The following LOC400499 variants were observed in gnomAD, a reference collection of about 807,000 sequenced individuals.
At chr16:11,406,742 T>C in the LOC400499 span, among the ~76,000 whole-genome samples, 4 of 152,232 alleles carry the variant, frequency 2.6e-5, no homozygotes, top group Non-Finnish European at 2.9e-5. Context: ...TTCCCCCGGA[T>C]TTTCAAATGG....
the LOC400499 span, among the ~76,000 whole-genome samples, chr16:11,494,966 T>G: frequency 6.6e-6 from 1 of 152,124 alleles, no homozygotes; most frequent in Admixed American, 6.5e-5. Context: ...CCCAGCACTT[T>G]GGGAGGCCAA....
At chr16:11,452,205 G>GTTTTTTTTTTTTTTTTTTTTTT in the LOC400499 span, among the ~76,000 whole-genome samples, 1 of 89,792 alleles carries the variant, frequency 1.1e-5, no homozygotes, top group Non-Finnish European at 2.6e-5. Context: ...TTTTTTGTTT[G>GTTTTTTTTTTTTTTTTTTTTTT]TTTTTTTTTT....
the LOC400499 span, chr16:11,457,280 A>G: frequency 8.4e-6 from 4 of 477,208 alleles, no homozygotes; most frequent in South Asian, 3.0e-5. Context: ...TGTGGAAAAC[A>G]GTGTGGCAGT....
chr16:11,487,811 A>C, the LOC400499 span, among the ~76,000 whole-genome samples: 1 of 152,224 alleles, frequency 6.6e-6, no homozygotes. Flanking sequence ...AGAATCCAGG[A>C]GAATTTAATA....
At chr16:11,455,014 G>C in the LOC400499 span, among the ~76,000 whole-genome samples, 6 of 152,298 alleles carry the variant, frequency 3.9e-5, no homozygotes, top group African/African-American at 1.4e-4. Context: ...TGAACAATCT[G>C]ATGTGTCTGA....
At chr16:11,416,640 A>G in the LOC400499 span, among the ~76,000 whole-genome samples, 1 of 152,168 alleles carries the variant, frequency 6.6e-6, no homozygotes, top group Admixed American at 6.5e-5. Context: ...GTGTGTTCAA[A>G]TGACAGAGCT....
At chr16:11,466,835 C>A in the LOC400499 span, among the ~76,000 whole-genome samples, 3 of 152,062 alleles carry the variant, frequency 2.0e-5, no homozygotes, top group Non-Finnish European at 4.4e-5. Flanking sequence ...TTGAATTAAT[C>A]TCAATGAAAT....
At chr16:11,483,437 G>A in the LOC400499 span, among the ~76,000 whole-genome samples, 11 of 151,804 alleles carry the variant, frequency 7.2e-5, no homozygotes, top group African/African-American at 2.7e-4. Flanking sequence ...AACAAACTGT[G>A]GTATATCTAT....
the LOC400499 span, chr16:11,407,129 C>G: frequency 2.5e-3 from 1,013 of 398,276 alleles, 7 homozygotes; most frequent in Non-Finnish European, 3.9e-3. Flanking sequence ...GACAATTTTT[C>G]TTTTCTCAAA....
chr16:11,442,985 C>T, the LOC400499 span, among the ~76,000 whole-genome samples: 2 of 152,162 alleles, frequency 1.3e-5, no homozygotes, highest in Non-Finnish European at 2.9e-5. Context: ...CAATGCTCAA[C>T]AGCTGCCTGG....
At chr16:11,464,879 G>A in the LOC400499 span, among the ~76,000 whole-genome samples, 2 of 152,302 alleles carry the variant, frequency 1.3e-5, no homozygotes, top group South Asian at 2.1e-4. Context: ...GAAGTTCAAG[G>A]GCCCCTGGGA....
At chr16:11,401,432 G>A in the LOC400499 span, 1 of 399,528 alleles carries the variant, frequency 2.5e-6, no homozygotes, top group Non-Finnish European at 4.4e-6. Flanking sequence ...GACTCAGCCA[G>A]TGGCCTTGCC....
chr16:11,455,587 T>C, the LOC400499 span, among the ~76,000 whole-genome samples: 3 of 151,236 alleles, frequency 2.0e-5, no homozygotes, highest in Admixed American at 6.6e-5. Flanking sequence ...ATAGAAAAAT[T>C]TGCCAGGTGT....
At chr16:11,378,350 G>C in the LOC400499 span, among the ~76,000 whole-genome samples, 1 of 149,234 alleles carries the variant, frequency 6.7e-6, no homozygotes, top group African/African-American at 2.5e-5. Flanking sequence ...TGCAACCTCT[G>C]CCTCCCGGGT....
the LOC400499 span, chr16:11,387,403 T>A: frequency 1.1e-6 from 1 of 904,056 alleles, no homozygotes; most frequent in African/African-American, 1.7e-5. Flanking sequence ...GTGGAGAGCA[T>A]GAGGGTGCCT....
At chr16:11,449,115 G>A in the LOC400499 span, 1 of 1,443,792 alleles carries the variant, frequency 6.9e-7, no homozygotes, top group South Asian at 1.3e-5. Flanking sequence ...AACCTGCAAT[G>A]AGGTGAGGAG....
At chr16:11,386,864 C>T in the LOC400499 span, among the ~76,000 whole-genome samples, 2 of 152,276 alleles carry the variant, frequency 1.3e-5, no homozygotes, top group Non-Finnish European at 2.9e-5. Context: ...TCTTCTCCAG[C>T]AGTGCCCGCA....
At chr16:11,391,374 A>G in the LOC400499 span, among the ~76,000 whole-genome samples, 2 of 146,756 alleles carry the variant, frequency 1.4e-5, no homozygotes, top group African/African-American at 5.1e-5. Context: ...ACAAGGCTGT[A>G]TACTCAAAAG....
At chr16:11,510,646 G>A in the LOC400499 span, among the ~76,000 whole-genome samples, 1 of 151,598 alleles carries the variant, frequency 6.6e-6, no homozygotes, top group African/African-American at 2.4e-5. Context: ...AAATGGAGTT[G>A]ACCATGATCA....
Sources: gnomAD v4.1 joint callset for allele counts (sites outside exome capture counted in the v4.1 genomes callset) on GRCh38, gnomAD v4.1.1 for gene constraint, MANE v1.5 for transcripts.